Variants in MKLN1 observed in about 807,000 individuals in gnomAD.
MKLN1 encodes muskelin.
In MKLN1, 18 loss-of-function variants were observed where a neutral mutation model predicts 99.0. The ratio of observed to expected loss-of-function variants is 0.18; its 90% CI spans 0.13 to 0.27. The LOEUF is 0.27. MKLN1 is among the 10% of genes least tolerant of loss of function. MKLN1 has a pLI of 1.00. For missense variants in MKLN1, 621 were observed against 875.9 expected, an observed-to-expected ratio of 0.71 and a Z score of 3.67; for synonymous variants, 288 against 293.2, an observed-to-expected ratio of 0.98 and a Z score of 0.18.
At chr7:131,344,251 A>G (rs1226607571) in intron 1 of MKLN1, among the ~76,000 whole-genome samples, 1 of 152,202 alleles carries the variant, frequency 6.6e-6, no homozygotes, top group Admixed American at 6.5e-5. Context: ...CAAATAATAA[A>G]TACTACTTTT....
chr7:131,207,977 C>T (rs1018775644), intron 3 of MKLN1, among the ~76,000 whole-genome samples: 1 of 152,178 alleles, frequency 6.6e-6, no homozygotes, highest in African/African-American at 2.4e-5. Flanking sequence ...ATTTAGGTTT[C>T]CCCCTTCTTA....
intron 3 of MKLN1, among the ~76,000 whole-genome samples, chr7:131,312,846 G>A (rs965537526): frequency 2.2e-4 from 34 of 152,166 alleles, no homozygotes; most frequent in African/African-American, 8.0e-4. Flanking sequence ...CAGAGCTCAG[G>A]ACAAATGACA....
At chr7:131,386,377 G>A (rs1326404029) in intron 2 of MKLN1, among the ~76,000 whole-genome samples, 1 of 152,082 alleles carries the variant, frequency 6.6e-6, no homozygotes, top group African/African-American at 2.4e-5. Context: ...ATTTTTGTGT[G>A]TGATAAGAGG....
chr7:131,314,492 G>A (rs575918201), intron 3 of MKLN1, among the ~76,000 whole-genome samples: 2 of 152,156 alleles, frequency 1.3e-5, no homozygotes, highest in South Asian at 4.2e-4. Flanking sequence ...GTACGATCTC[G>A]GCTCACTGCA....
At chr7:131,188,317 G>T (rs1796482638) in intron 2 of MKLN1, among the ~76,000 whole-genome samples, 1 of 152,184 alleles carries the variant, frequency 6.6e-6, no homozygotes, top group Non-Finnish European at 1.5e-5. Flanking sequence ...AAATTGCATG[G>T]CATATAACAG....
intron 3 of MKLN1, among the ~76,000 whole-genome samples, chr7:131,241,594 G>T (rs1797404881): frequency 6.6e-6 from 1 of 152,142 alleles, no homozygotes; most frequent in South Asian, 2.1e-4. Context: ...TGTGGTCCCA[G>T]TTGCTAAGGA....
chr7:131,227,362 CTTTCTTTCTT>C (rs771061892), intron 3 of MKLN1, among the ~76,000 whole-genome samples: 4 of 150,634 alleles, frequency 2.7e-5, no homozygotes, highest in African/African-American at 7.3e-5. Flanking sequence ...CCTTCTCTCT[CTTTCTTTCTT>C]TTTCTTTCTT....
intron 3 of MKLN1, among the ~76,000 whole-genome samples, chr7:131,318,645 A>G (rs189901959): frequency 6.6e-6 from 1 of 152,336 alleles, no homozygotes; most frequent in East Asian, 1.9e-4. Context: ...AAAACCCTTC[A>G]AAAAATCAAT....
chr7:131,466,163 T>A (rs1345047714), intron 14 of MKLN1, 113 bp from the exon 15 acceptor site: 15 of 715,674 alleles, frequency 2.1e-5, no homozygotes, highest in Non-Finnish European at 2.5e-5. Context: ...GCAGTATAAT[T>A]TTTAATTTTT....
chr7:131,313,642 T>A (rs181018506), intron 3 of MKLN1, among the ~76,000 whole-genome samples: 1 of 152,352 alleles, frequency 6.6e-6, no homozygotes. Context: ...TTTGGGTGTG[T>A]TGGAAGAAAA....
At chr7:131,218,141 G>C (rs1352966239) in intron 3 of MKLN1, among the ~76,000 whole-genome samples, 1 of 152,170 alleles carries the variant, frequency 6.6e-6, no homozygotes, top group Non-Finnish European at 1.5e-5. Flanking sequence ...TTATGGGTCT[G>C]AGTGGTGCCA....
intron 3 of MKLN1, among the ~76,000 whole-genome samples, chr7:131,228,046 A>T (rs1172374744): frequency 6.6e-6 from 1 of 151,510 alleles, no homozygotes; most frequent in African/African-American, 2.4e-5. Flanking sequence ...CCTCTTTTCA[A>T]CCAAAAGTTA....
At chr7:131,285,565 C>A (rs921740322) in intron 3 of MKLN1, among the ~76,000 whole-genome samples, 1 of 152,198 alleles carries the variant, frequency 6.6e-6, no homozygotes. Flanking sequence ...AATCACCTTT[C>A]TTTGGCATAT....
chr7:131,183,578 T>C (rs530930133), intron 2 of MKLN1, among the ~76,000 whole-genome samples: 1 of 152,308 alleles, frequency 6.6e-6, no homozygotes, highest in African/African-American at 2.4e-5. Context: ...TGTTAAACCG[T>C]ATGAAACAGG....
chr7:131,256,428 T>C (rs1370851630), intron 3 of MKLN1, among the ~76,000 whole-genome samples: 1 of 152,216 alleles, frequency 6.6e-6, no homozygotes, highest in Non-Finnish European at 1.5e-5. Flanking sequence ...AAAGACACTA[T>C]ATATGCATAA....
chr7:131,232,839 C>G (rs1797262877), intron 3 of MKLN1, among the ~76,000 whole-genome samples: 2 of 151,486 alleles, frequency 1.3e-5, no homozygotes, highest in South Asian at 4.2e-4. Context: ...GAGGGAGACC[C>G]CATCTCCAAA....
At chr7:131,329,787 C>T (rs1031062279) in intron 1 of MKLN1, among the ~76,000 whole-genome samples, 14 of 152,174 alleles carry the variant, frequency 9.2e-5, no homozygotes, top group African/African-American at 2.4e-5. Context: ...CCCTGGTTTG[C>T]AGTGGGCAGA....
intron 1 of MKLN1, among the ~76,000 whole-genome samples, chr7:131,373,103 T>C (rs1435131386): frequency 2.0e-5 from 3 of 152,050 alleles, no homozygotes; most frequent in African/African-American, 7.2e-5. Context: ...ATATTTTTGC[T>C]ATCGATTAAA....
intron 3 of MKLN1, among the ~76,000 whole-genome samples, chr7:131,220,988 C>A (rs544367729): frequency 6.6e-6 from 1 of 152,280 alleles, no homozygotes; most frequent in Admixed American, 6.5e-5. Context: ...TTCTTGTCAA[C>A]CCTGTGTGGG....
Sources: allele counts gnomAD v4.1 joint callset (sites outside exome capture counted in the v4.1 genomes callset), GRCh38; gene constraint gnomAD v4.1.1; transcripts MANE v1.5; gene names NCBI Gene and HGNC (gene_info 2026-07-23, HGNC 2026-07-21).